The following XPO1 variants were observed in gnomAD, a reference collection of about 807,000 sequenced individuals.
The protein encoded by XPO1 is exportin 1, also known as exportin-1.
A neutral mutation model predicts 133.3 loss-of-function variants in XPO1; 5 were observed. The observed-to-expected ratio is 0.04, with a 90% confidence interval of 0.02 to 0.08. XPO1 has a LOEUF of 0.08. Among genes scored for constraint, XPO1 ranks in the 10% least tolerant of loss-of-function variants. The pLI, the probability that XPO1 is intolerant of heterozygous loss-of-function variation, is 1.00. For synonymous variants in XPO1, 419 were observed against 408.2 expected (o/e 1.03, Z -0.32); for missense variants, 506 against 1,267.5 (o/e 0.40, Z 9.12).
At chr2:61,496,331 C>A (rs1487286793) in intron 10 of XPO1, among the ~76,000 whole-genome samples, 2 of 152,124 alleles carry the variant, frequency 1.3e-5, no homozygotes, top group African/African-American at 4.8e-5. Context: ...ATTGCCTCAG[C>A]CTCCAGAGTA....
chr2:61,519,225 A>G (rs912717839), intron 4 of XPO1, among the ~76,000 whole-genome samples: 1 of 152,184 alleles, frequency 6.6e-6, no homozygotes, highest in African/African-American at 2.4e-5. Flanking sequence ...CTGGGATTAC[A>G]GGCGTGAGCC....
At chr2:61,533,935 T>G (rs748394366) in intron 1 of XPO1, 32 bp from the exon 2 acceptor site, 6 of 1,472,504 alleles carry the variant, frequency 4.1e-6, no homozygotes, top group Non-Finnish European at 5.4e-6. Flanking sequence ...TGAAGCTGCC[T>G]ATCAAGTTTT....
chr2:61,493,155 G>T, intron 12 of XPO1, 102 bp from the exon 13 acceptor site: 1 of 1,231,404 alleles, frequency 8.1e-7, no homozygotes, highest in Non-Finnish European at 1.1e-6. Flanking sequence ...AAAACCACAA[G>T]CCAGCCATGT....
intron 4 of XPO1, among the ~76,000 whole-genome samples, chr2:61,517,420 T>C (rs1175067603): frequency 1.3e-5 from 2 of 151,996 alleles, no homozygotes; most frequent in African/African-American, 4.8e-5. Flanking sequence ...TGTGTCTCTA[T>C]CAAAATTAGA....
intron 16 of XPO1, 73 bp downstream of exon 16, chr2:61,491,962 A>G (rs1697022595): frequency 1.3e-6 from 2 of 1,534,018 alleles, no homozygotes; most frequent in Admixed American, 4.0e-5. Flanking sequence ...TTGCCCTCCT[A>G]TTTCCATTGA....
intron 4 of XPO1, among the ~76,000 whole-genome samples, chr2:61,516,870 T>TA (rs1412823659): frequency 6.6e-6 from 1 of 152,156 alleles, no homozygotes; most frequent in Non-Finnish European, 1.5e-5. Context: ...TCTTTTTTTT[T>TA]ATTTGAATTA....
chr2:61,482,599 T>C (rs1696442943), intron 22 of XPO1, 60 bp from the exon 23 acceptor site: 4 of 1,321,720 alleles, frequency 3.0e-6, no homozygotes. Context: ...ATCTTAGCGT[T>C]TTTTTTTGTT....
intron 10 of XPO1, 141 bp from the exon 11 acceptor site, chr2:61,495,754 C>T: frequency 1.3e-6 from 1 of 770,424 alleles, no homozygotes; most frequent in Non-Finnish European, 1.8e-6. Flanking sequence ...TCACTGCAGC[C>T]TCCACCTCCT....
intron 3 of XPO1, among the ~76,000 whole-genome samples, chr2:61,524,545 C>G (rs1382470688): frequency 6.6e-6 from 1 of 152,194 alleles, no homozygotes; most frequent in African/African-American, 2.4e-5. Flanking sequence ...ACATCTGTTA[C>G]TATAATATCC....
chr2:61,504,852 A>AAC (rs2104557190), intron 4 of XPO1, among the ~76,000 whole-genome samples: 1 of 152,338 alleles, frequency 6.6e-6, no homozygotes, highest in Non-Finnish European at 1.5e-5. Flanking sequence ...AAATTTCTGT[A>AAC]ACAGTAATTA....
At chr2:61,515,069 T>TAG (rs1553412377) in intron 4 of XPO1, among the ~76,000 whole-genome samples, 1 of 127,394 alleles carries the variant, frequency 7.8e-6, no homozygotes, top group Admixed American at 8.4e-5. Flanking sequence ...GTGACTGTCT[T>TAG]AAAAAAAAAA....
chr2:61,483,866 C>T (rs1573105095), intron 21 of XPO1, 71 bp downstream of exon 21: 1 of 1,507,064 alleles, frequency 6.6e-7, no homozygotes, highest in Non-Finnish European at 9.1e-7. Flanking sequence ...TAATACCTTC[C>T]TATGTACAAT....
chr2:61,506,072 C>G (rs7591833), intron 4 of XPO1, among the ~76,000 whole-genome samples: 1,650 of 152,228 alleles, frequency 0.011, 32 homozygotes, highest in African/African-American at 0.037. Context: ...TTCCCCAAAT[C>G]CCTTCCTCAA....
At chr2:61,500,225 G>A (rs1697436360) in intron 6 of XPO1, among the ~76,000 whole-genome samples, 1 of 152,062 alleles carries the variant, frequency 6.6e-6, no homozygotes, top group Non-Finnish European at 1.5e-5. Context: ...GCTCATGCCT[G>A]TAATCCCAGC....
At chr2:61,521,011 T>C (rs1558670317) in intron 4 of XPO1, among the ~76,000 whole-genome samples, 2 of 152,220 alleles carry the variant, frequency 1.3e-5, no homozygotes, top group Admixed American at 6.5e-5. Context: ...CATAGTCAAA[T>C]TGTGCTTATT....
chr2:61,490,235 G>C (rs1387417118), intron 17 of XPO1, among the ~76,000 whole-genome samples: 2 of 140,526 alleles, frequency 1.4e-5, no homozygotes, highest in Non-Finnish European at 3.0e-5. Flanking sequence ...GTCTTGCTCT[G>C]TCGTCTCGGC....
chr2:61,530,544 CT>C (rs1193637451), intron 2 of XPO1, among the ~76,000 whole-genome samples: 1 of 152,066 alleles, frequency 6.6e-6, no homozygotes, highest in African/African-American at 2.4e-5. Flanking sequence ...CTTCCCGCAT[CT>C]TTTTTCTAGC....
At chr2:61,501,728 A>AAAAAAAAAAAAAAAAAAAAAAAG (rs1558649299) in intron 6 of XPO1, among the ~76,000 whole-genome samples, 15 of 138,320 alleles carry the variant, frequency 1.1e-4, no homozygotes, top group African/African-American at 4.1e-4. Flanking sequence ...CTCCAAAAAA[A>AAAAAAAAAAAAAAAAAAAAAAAG]AAAAAAAAAG....
intron 2 of XPO1, among the ~76,000 whole-genome samples, chr2:61,528,092 A>C (rs530651940): frequency 6.6e-6 from 1 of 151,704 alleles, no homozygotes; most frequent in South Asian, 2.1e-4. Flanking sequence ...ACGCCTGGCT[A>C]ATTTTTGTAT....
Sources: allele counts gnomAD v4.1 joint callset (sites outside exome capture counted in the v4.1 genomes callset), GRCh38; gene constraint gnomAD v4.1.1; transcripts MANE v1.5; gene names NCBI Gene and HGNC (gene_info 2026-07-23, HGNC 2026-07-21).